Variants in ZFP64 observed in about 807,000 individuals in gnomAD.
ZFP64 encodes ZFP64 zinc finger protein.
A neutral mutation model predicts 51.6 loss-of-function variants in ZFP64; 14 were observed. That is an observed-to-expected ratio of 0.27 (90% CI 0.18 to 0.42). The LOEUF (loss-of-function observed/expected upper bound fraction) is 0.42. Among genes scored for constraint, ZFP64 ranks in the 10% least tolerant of loss-of-function variants. The pLI is 1.00. For missense variants in ZFP64, 754 were observed against 906.8 expected (o/e 0.83, Z 2.16); for synonymous variants, 375 against 361.4 (o/e 1.04, Z -0.43).
chr20:52,164,585 T>C (rs1040003659), intron 4 of ZFP64, 110 bp downstream of exon 4: 16 of 930,254 alleles, frequency 1.7e-5, no homozygotes, highest in South Asian at 2.8e-5. Context: ...TGTATTCCCA[T>C]AACAGCCAGT....
rs141006444 is a variant in ZFP64, at chr20:52,154,239, T to A, written c.764-811A>T. 1.2e-3 allele frequency among the ~76,000 whole-genome samples: 190 copies of A among 152,304 alleles called. 7 individuals carry two copies. The East Asian group carries it at 0.036, about 29-fold the overall frequency. ...ATAGCAGCTAATATTCTTCGATGGC[T>A]TCCGGGATGGCAGGCGCTATGCTGA... On this transcript the variant is annotated intron_variant, in intron 5 of 5. Transcript: ENST00000216923.
intron 5 of ZFP64, among the ~76,000 whole-genome samples, chr20:52,143,229 C>A (rs1188112407): frequency 7.0e-6 from 1 of 142,770 alleles, no homozygotes; most frequent in Admixed American, 7.3e-5. Flanking sequence ...ACCAAACTCA[C>A]AATATCTCCG....
intron 5 of ZFP64, among the ~76,000 whole-genome samples, chr20:52,117,109 T>A (rs76376998): frequency 0.051 from 7,699 of 152,090 alleles, 243 homozygotes; most frequent in East Asian, 0.13. Flanking sequence ...ATTATGAATG[T>A]TGTAGCTGTT....
chr20:52,110,567 G>T, intron 5 of ZFP64: 1 of 714,840 alleles, frequency 1.4e-6, no homozygotes, highest in Non-Finnish European at 2.5e-6. Flanking sequence ...CTTGAGAGGT[G>T]GTCCTGCCGC....
chr20:52,188,560 G>A (rs936738703), intron 1 of ZFP64, among the ~76,000 whole-genome samples: 2 of 150,962 alleles, frequency 1.3e-5, no homozygotes, highest in Non-Finnish European at 3.0e-5. Flanking sequence ...TGATCTGCCC[G>A]CCTCAGCCTC....
At chr20:52,111,156 G>A in intron 5 of ZFP64, 1 of 685,722 alleles carries the variant, frequency 1.5e-6, no homozygotes, top group East Asian at 2.7e-5. Flanking sequence ...CGACGGGGAG[G>A]TGGGGAAGCC....
chr20:52,094,500 C>T (rs1483084221), intron 7 of ZFP64, among the ~76,000 whole-genome samples: 1 of 152,170 alleles, frequency 6.6e-6, no homozygotes, highest in Non-Finnish European at 1.5e-5. Context: ...GTGGCTCACG[C>T]CTGTAATCCC....
exon 7 of ZFP64, chr20:52,097,410 G>A (rs201943625): frequency 1.2e-6 from 2 of 1,612,380 alleles, no homozygotes; most frequent in South Asian, 1.1e-5. Flanking sequence ...AGTCTTTCAT[G>A]CCATGGACAG....
chr20:52,172,224 T>A (rs1452651463), intron 2 of ZFP64, among the ~76,000 whole-genome samples: 3 of 150,518 alleles, frequency 2.0e-5, no homozygotes, highest in Non-Finnish European at 4.5e-5. Context: ...TGTGTGTTTG[T>A]GTGTGTGTGT....
downstream of ZFP64, among the ~76,000 whole-genome samples, chr20:52,149,422 C>T (rs1980683933): frequency 6.6e-6 from 1 of 152,112 alleles, no homozygotes; most frequent in Admixed American, 6.5e-5. Flanking sequence ...AAAACTAGGT[C>T]TAGTTTTGTT....
intron 5 of ZFP64, among the ~76,000 whole-genome samples, chr20:52,113,925 G>A (rs1978735025): frequency 6.6e-6 from 1 of 152,098 alleles, no homozygotes; most frequent in African/African-American, 2.4e-5. Flanking sequence ...TGACTGGGTG[G>A]TAGTGGTGGG....
chr20:52,184,818 G>A (rs1983846191), intron 2 of ZFP64, among the ~76,000 whole-genome samples: 1 of 151,946 alleles, frequency 6.6e-6, no homozygotes, highest in African/African-American at 2.4e-5. Context: ...TGTAGAGGTG[G>A]GGTCTTGCTA....
At position 52,160,452 on chromosome 20, in the gene ZFP64, G is replaced by GA; in HGVS notation, c.512-79dup. On this transcript the variant is annotated intron_variant, in intron 4 of 5. Transcript: ENST00000216923. The surrounding 1 kb of genome is among the most constrained non-coding windows in gnomAD (Gnocchi z 4.2). ...AAAGGCTTATTTCCCACTGCCTTAC[G>GA]AAAAAAGTCATATACAACCACCGAA... is the stretch of plus-strand genomic sequence containing the variant. 1 of 1,511,078 alleles carries GA rather than the reference G, an allele frequency of 6.6e-7. No homozygotes were observed. The allele number at this position is 1,511,078 out of a possible 1,614,324, so 93.6% of individuals were successfully genotyped here.
chr20:52,098,698 A>G, intron 5 of ZFP64: 6 of 1,448,528 alleles, frequency 4.1e-6, no homozygotes, highest in Middle Eastern at 3.8e-4. Flanking sequence ...TCCAGAAAAA[A>G]TTTAAAAAAA....
chr20:52,096,873 A>G (rs532183067), intron 7 of ZFP64: 80 of 349,480 alleles, frequency 2.3e-4, no homozygotes, highest in African/African-American at 1.7e-3. Flanking sequence ...TGGGTGACAG[A>G]GCAGGACTCT....
downstream of ZFP64, among the ~76,000 whole-genome samples, chr20:52,146,742 T>C (rs1182207662): frequency 1.3e-5 from 2 of 152,084 alleles, no homozygotes; most frequent in African/African-American, 4.8e-5. Context: ...AAAAAAGAAA[T>C]GTTTCAGCTC....
At chr20:52,162,432 G>A (rs1166167465) in intron 4 of ZFP64, among the ~76,000 whole-genome samples, 1 of 151,904 alleles carries the variant, frequency 6.6e-6, no homozygotes, top group East Asian at 1.9e-4. Flanking sequence ...CAAGACCATC[G>A]TGGCTAACAC....
At chr20:52,128,757 G>GTC (rs2122873703) in intron 5 of ZFP64, among the ~76,000 whole-genome samples, 1 of 152,184 alleles carries the variant, frequency 6.6e-6, no homozygotes, top group African/African-American at 2.4e-5. Flanking sequence ...TTTCCACCTG[G>GTC]TCTCCCACAG....
intron 5 of ZFP64, among the ~76,000 whole-genome samples, chr20:52,137,054 C>T (rs1376009919): frequency 1.3e-5 from 2 of 152,206 alleles, no homozygotes; most frequent in East Asian, 1.9e-4. Flanking sequence ...TGTGAGCCAC[C>T]GTGCCTGGCC....
Sources: gnomAD v4.1 joint callset for allele counts (sites outside exome capture counted in the v4.1 genomes callset) on GRCh38, gnomAD v4.1.1 for gene constraint, Gnocchi (gnomAD v3.1) non-coding constraint, MANE v1.5 for transcripts, NCBI Gene and HGNC (gene_info 2026-07-23, HGNC 2026-07-21) for gene names.